TBC1D12: variants seen among roughly 807,000 people sequenced by gnomAD.
TBC1D12 encodes TBC1 domain family member 12.
A neutral mutation model predicts 86.7 loss-of-function variants in TBC1D12; 56 were observed. The ratio of observed to expected loss-of-function variants is 0.65; its 90% CI spans 0.52 to 0.81. The LOEUF (loss-of-function observed/expected upper bound fraction) is 0.81, where lower values mean the gene tolerates loss of function less well. Ranked by LOEUF, TBC1D12 falls within the 30% of genes least tolerant of loss-of-function variation. The pLI is 0.00. For synonymous variants in TBC1D12, 421 were observed against 411.7 expected (o/e 1.02, Z -0.27); for missense variants, 1,023 against 1,038.8 (o/e 0.98, Z 0.21).
intron 1 of TBC1D12, 78 bp downstream of exon 1, chr10:94,403,662 C>T (rs1290063334): frequency 1.4e-6 from 2 of 1,381,050 alleles, no homozygotes; most frequent in Admixed American, 3.7e-5. Flanking sequence ...GAGTCGGAGC[C>T]GGAGCCGGAG....
chr10:94,402,733 CGGAGGCGTCGGCGCTGT>C lies in TBC1D12; in HGVS notation c.125_141del (p.Gly42AlafsTer6), dbSNP rs1316459495. On this transcript the variant is annotated frameshift_variant, in exon 1 of 13. Coordinates refer to ENST00000225235, the MANE Select transcript of TBC1D12 (RefSeq NM_015188.2). LOFTEE classifies it high-confidence loss of function. ...TAATCCGGGCCACGGGCGGCTTTGG[CGGAGGCGTCGGCGCTGT>C]GGAGCCGCCGGAGGAGGCTGACGAG... The C allele has an allele frequency of 6.4e-7, 1 of 1,560,578 alleles. No individual in the cohort carries two copies. The highest frequency in any genetic ancestry group is 8.7e-7 in the Non-Finnish European group (1 of 1,152,552).
intron 2 of TBC1D12, among the ~76,000 whole-genome samples, chr10:94,457,413 G>A (rs968633995): frequency 2.6e-5 from 4 of 152,004 alleles, no homozygotes; most frequent in Non-Finnish European, 5.9e-5. Context: ...TCATTTGTTT[G>A]TTTGTTTTGT....
intron 2 of TBC1D12, among the ~76,000 whole-genome samples, chr10:94,469,312 G>A (rs1416521082): frequency 6.6e-6 from 1 of 152,110 alleles, no homozygotes; most frequent in African/African-American, 2.4e-5. Flanking sequence ...TGTTTTGCTT[G>A]TAGCTCCTCA....
chr10:94,459,068 ACAGAGAGC>A, intron 2 of TBC1D12, among the ~76,000 whole-genome samples: 1 of 324 alleles, frequency 3.1e-3, no homozygotes, highest in Non-Finnish European at 4.8e-3. Flanking sequence ...GGTCCATTTT[ACAGAGAGC>A]TGATTGGTCC....
intron 9 of TBC1D12, 32 bp from the exon 10 acceptor site, chr10:94,521,923 T>A (rs774295330): frequency 6.5e-7 from 1 of 1,539,294 alleles, no homozygotes; most frequent in Admixed American, 1.8e-5. Context: ...TTATTGTAAG[T>A]CCATTTTGAC....
chr10:94,497,128 A>C lies in TBC1D12; in HGVS notation c.1368A>C (p.Ala456=), dbSNP rs773886008. 6 of 1,563,134 alleles carry C rather than the reference A, an allele frequency of 3.8e-6. No individual in the cohort carries two copies. Among genetic ancestry groups the C allele is most frequent in the Non-Finnish European group, 3.4e-6 (4 of 1,162,074 alleles). ...RFKQEENIAS[A]MVIWINEILP... is the part of the protein sequence containing the mutation. ...AGCAGGAAGAAAATATTGCAAGTGC[A>C]ATGGTAATTTGGATCAATGAAATAC... The change falls in exon 5 of 13, where the codon GCA becomes GCC. Residue 456 remains alanine (A), a synonymous_variant. Coordinates refer to ENST00000225235, the MANE Select transcript of TBC1D12 (RefSeq NM_015188.2).
At chr10:94,457,128 T>TGC (rs1385582926) in intron 2 of TBC1D12, among the ~76,000 whole-genome samples, 1 of 152,208 alleles carries the variant, frequency 6.6e-6, no homozygotes, top group Non-Finnish European at 1.5e-5. Flanking sequence ...AGGATACATG[T>TGC]GCTGACCTTG....
chr10:94,422,927 G>A (rs1183987119), intron 1 of TBC1D12, among the ~76,000 whole-genome samples: 1 of 152,042 alleles, frequency 6.6e-6, no homozygotes, highest in African/African-American at 2.4e-5. Flanking sequence ...CATCTTGTGG[G>A]CATTTTGAAG....
chr10:94,422,772 ATGT>A (rs1482484746), intron 1 of TBC1D12, among the ~76,000 whole-genome samples: 2 of 151,562 alleles, frequency 1.3e-5, no homozygotes, highest in African/African-American at 4.9e-5. Context: ...GTGTTTCAGT[ATGT>A]TGTCCTGGCT....
intron 9 of TBC1D12, among the ~76,000 whole-genome samples, chr10:94,515,335 G>T (rs933691339): frequency 2.7e-5 from 4 of 149,652 alleles, no homozygotes; most frequent in South Asian, 4.2e-4. Flanking sequence ...TATAGGTTTG[G>T]TTTTTTTGTT....
At chr10:94,454,422 G>A (rs1170705517) in intron 2 of TBC1D12, among the ~76,000 whole-genome samples, 3 of 152,134 alleles carry the variant, frequency 2.0e-5, no homozygotes, top group Admixed American at 1.3e-4. Flanking sequence ...TGTTTGTCAG[G>A]CTGGTCTTGA....
intron 2 of TBC1D12, among the ~76,000 whole-genome samples, chr10:94,470,500 A>G (rs985748636): frequency 2.0e-5 from 3 of 151,904 alleles, no homozygotes; most frequent in Non-Finnish European, 4.4e-5. Flanking sequence ...GTAGCTGAGG[A>G]CTAGAGGCGC....
At chr10:94,462,322 A>G (rs542279930) in intron 2 of TBC1D12, among the ~76,000 whole-genome samples, 23 of 152,200 alleles carry the variant, frequency 1.5e-4, no homozygotes, top group Non-Finnish European at 2.5e-4. Context: ...TACATAGTAC[A>G]TATTTACATG....
At chr10:94,484,060 T>G (rs11527882) in intron 3 of TBC1D12, among the ~76,000 whole-genome samples, 24,024 of 152,124 alleles carry the variant, frequency 0.16, 2,236 homozygotes, top group East Asian at 0.38. Context: ...TGTGTATTCT[T>G]GGCACCTTTG....
Position 94,509,835 on chromosome 10 carries a change from G to A in TBC1D12, c.1601-256G>A, listed in dbSNP as rs1196300591. On this transcript the variant is annotated intron_variant, in intron 7 of 12. Coordinates refer to ENST00000225235, the MANE Select transcript of TBC1D12 (RefSeq NM_015188.2). ...TTTTCCTAGTTGTTACCATGGAAAT[G>A]ATGGTCTGCCCATATCTTCTGTAAA... 4 of 367,036 alleles carry A rather than the reference G, an allele frequency of 1.1e-5. No homozygotes were observed. The Admixed American group carries it at 2.1e-4, about 19-fold the overall frequency. 22.7% of individuals were successfully genotyped at this position (367,036 alleles called of 1,614,324 possible). A position where few individuals can be genotyped will look rare whatever the true frequency, so the allele number is the denominator to read the frequency against.
Position 94,439,536 on chromosome 10 carries a change from G to A in TBC1D12, c.972-2360G>A, listed in dbSNP as rs535889139. On this transcript the variant is annotated intron_variant, in intron 1 of 12. Coordinates refer to ENST00000225235, the MANE Select transcript of TBC1D12 (RefSeq NM_015188.2). ...CAGGTTGAGGCTGCAGGTTCAGCAA[G>A]GCTGCAGGTTTGCTGAGGGGCTGCA... Among the ~76,000 whole-genome samples, 40 of 152,294 alleles carry A rather than the reference G, an allele frequency of 2.6e-4. 1 individual carries two copies. The South Asian group carries it at 7.7e-3, about 29-fold the overall frequency.
intron 3 of TBC1D12, among the ~76,000 whole-genome samples, chr10:94,488,248 T>C (rs902718723): frequency 1.3e-5 from 2 of 151,062 alleles, no homozygotes; most frequent in Admixed American, 6.6e-5. Context: ...ATTAGCCGGG[T>C]ATGGTGGCAC....
At chr10:94,531,739 GTTATT>G (rs1310391369) in intron 12 of TBC1D12, among the ~76,000 whole-genome samples, 10 of 82,822 alleles carry the variant, frequency 1.2e-4, no homozygotes, top group Admixed American at 7.8e-4. Context: ...TTTATGTTAT[GTTATT>G]TTATGTTATT....
At chr10:94,504,088 G>A (rs2056431784) in intron 6 of TBC1D12, among the ~76,000 whole-genome samples, 1 of 152,136 alleles carries the variant, frequency 6.6e-6, no homozygotes, top group African/African-American at 2.4e-5. Flanking sequence ...CAGATTGAAT[G>A]TTTTTAAATT....
Sources: gnomAD v4.1 joint callset for allele counts (sites outside exome capture counted in the v4.1 genomes callset) on GRCh38, gnomAD v4.1.1 for gene constraint, MANE v1.5 for transcripts, NCBI Gene and HGNC (gene_info 2026-07-23, HGNC 2026-07-21) for gene names.